The following LTBP2 variants were observed in gnomAD, a reference collection of about 807,000 sequenced individuals.
LTBP2 encodes the protein latent-transforming growth factor beta-binding protein 2.
Under a neutral mutation model 210.6 loss-of-function variants are expected in LTBP2, and 103 were observed. That is an observed-to-expected ratio of 0.49 (90% CI 0.42 to 0.58). The LOEUF (loss-of-function observed/expected upper bound fraction) is 0.58, where lower values mean the gene tolerates loss of function less well. Ranked by LOEUF, LTBP2 falls within the 20% of genes least tolerant of loss-of-function variation. The probability of loss-of-function intolerance (pLI) is 0.00; values close to 1 mark genes in which losing one functional copy is unlikely to be tolerated. For missense variants in LTBP2, 2,313 were observed against 2,494.5 expected, an observed-to-expected ratio of 0.93 and a Z score of 1.55; for synonymous variants, 1,007 against 1,015.0, an observed-to-expected ratio of 0.99 and a Z score of 0.15.
chr14:74,520,436 G>T (rs540967344), intron 17 of LTBP2, among the ~76,000 whole-genome samples: 1 of 152,290 alleles, frequency 6.6e-6, no homozygotes, highest in Admixed American at 6.5e-5. Flanking sequence ...CCATAACATG[G>T]AGTTGGGATG....
At chr14:74,551,957 G>A (rs2087663210) in intron 6 of LTBP2, among the ~76,000 whole-genome samples, 1 of 152,280 alleles carries the variant, frequency 6.6e-6, no homozygotes, top group East Asian at 1.9e-4. Flanking sequence ...TCTTCCCCAG[G>A]GTTCCCAGCA....
Position 74,540,773 on chromosome 14 carries a change from T to A in LTBP2, c.1790-4773A>T, listed in dbSNP as rs544618469. 4.6e-3 allele frequency among the ~76,000 whole-genome samples: 375 copies of A among 81,746 alleles called. 11 individuals carry two copies. The highest frequency in any genetic ancestry group is 0.014 in the African/African-American group (356 of 24,558). 53.6% of individuals were successfully genotyped at this position (81,746 alleles called of 152,430 possible). On this transcript the variant is annotated intron_variant, in intron 8 of 35. Transcript: ENST00000261978. The stretch of plus-strand genomic sequence containing the variant: ...GAGCGAGACTCCATCTTAAAAAATA[T>A]ATATATATATTATATATATATTTAT...
At chr14:74,508,484 G>T in intron 24 of LTBP2, 120 bp downstream of exon 24, 1 of 1,511,332 alleles carries the variant, frequency 6.6e-7, no homozygotes, top group Non-Finnish European at 8.9e-7. Context: ...CTCAGTACTG[G>T]TATTAAAAGG....
chr14:74,502,592 G>A, intron 34 of LTBP2, 61 bp downstream of exon 34: 1 of 1,606,982 alleles, frequency 6.2e-7, no homozygotes, highest in Non-Finnish European at 8.5e-7. Context: ...AGCAGGTGGA[G>A]GAGATGGAAG....
intron 12 of LTBP2, 63 bp from the exon 13 acceptor site, chr14:74,527,429 C>A (rs755020215): frequency 5.7e-5 from 89 of 1,572,252 alleles, no homozygotes; most frequent in Non-Finnish European, 7.3e-5. Context: ...CTCCCCTCAC[C>A]GCCACCTGGG....
At chr14:74,584,092 T>C (rs1205790512) in intron 3 of LTBP2, among the ~76,000 whole-genome samples, 1 of 152,086 alleles carries the variant, frequency 6.6e-6, no homozygotes, top group Non-Finnish European at 1.5e-5. Flanking sequence ...GGCCAGGCAC[T>C]ATGCAGGGGG....
chr14:74,585,267 C>T (rs911729255), intron 3 of LTBP2, among the ~76,000 whole-genome samples: 1 of 152,146 alleles, frequency 6.6e-6, no homozygotes, highest in African/African-American at 2.4e-5. Flanking sequence ...GCCGAGGAAA[C>T]CGAAGGGTCT....
At position 74,516,933 on chromosome 14, in the gene LTBP2, C is replaced by T. The variant is rs2087144409; in HGVS notation, c.2797G>A (p.Glu933Lys). 1.3e-6 allele frequency: 2 copies of T among 1,551,534 alleles called. No homozygotes were observed. Among genetic ancestry groups the T allele is most frequent in the Non-Finnish European group, 1.7e-6 (2 of 1,147,114 alleles). ...CTGCACACCCCTGGCTGCTCACACTCATTGATATCTGTGAACACACAGAAA... is the reference window on the plus strand; with the variant it reads ...CTGCACACCCCTGGCTGCTCACACTTATTGATATCTGTGAACACACAGAAA... Reference protein sequence around the residue: ...GATQECQDINECEQPGVCSGG... With the variant: ...GATQECQDINKCEQPGVCSGG... The change falls in exon 18 of 36, where the codon GAG (glutamate) becomes AAG (lysine). Residue 933 changes from glutamate (E) to lysine (K), a missense_variant. Glu to Lys is a moderately conservative substitution (Grantham distance 56). Around this residue, in one of 3 missense-constraint regions of LTBP2, gnomAD observed 1,867 missense variants for 1,976.9 expected, o/e 0.94. Coordinates refer to ENST00000261978, the MANE Select transcript of LTBP2 (RefSeq NM_000428.3).
chr14:74,587,958 G>A (rs999634603), intron 2 of LTBP2, among the ~76,000 whole-genome samples: 7 of 152,152 alleles, frequency 4.6e-5, no homozygotes, highest in Admixed American at 6.5e-5. Context: ...TGCTCCAGCC[G>A]AGCTGGCCTG....
chr14:74,541,913 C>T (rs987113015), intron 8 of LTBP2, among the ~76,000 whole-genome samples: 5 of 152,124 alleles, frequency 3.3e-5, no homozygotes, highest in South Asian at 2.1e-4. Flanking sequence ...GGCTCCTCAG[C>T]CAGATCAAGG....
chr14:74,559,894 G>A (rs1008007), intron 3 of LTBP2: 55,599 of 152,000 alleles, frequency 0.37, 12,383 homozygotes, highest in Non-Finnish European at 0.51. Context: ...TCAATGAGAA[G>A]GTGACCACAG....
chr14:74,581,825 T>C (rs1595290779), intron 3 of LTBP2, among the ~76,000 whole-genome samples: 2 of 151,670 alleles, frequency 1.3e-5, no homozygotes, highest in African/African-American at 4.9e-5. Flanking sequence ...ACGAATACAG[T>C]GGATAAAGAG....
Position 74,511,341 on chromosome 14 carries a change from C to T in LTBP2, c.2932G>A (p.Gly978Ser), listed in dbSNP as rs551385415. 164 of 1,614,108 alleles carry T rather than the reference C, an allele frequency of 1.0e-4. 3 individuals carry two copies. In the South Asian group the frequency reaches 1.6e-3, roughly 16 times the overall value. ...ACGCATCTCCCATCAGGGCAGGTAC[C>T]GGGGTGACGGCATTCGTTGATATCT... ...CQDINECRHP[G>S]TCPDGRCVNS... The change falls in exon 19 of 36, where the codon GGT becomes AGT. Residue 978 changes from glycine to serine, a missense_variant. By Grantham distance (56) the Gly-to-Ser change is moderately conservative (BLOSUM62 0). Transcript: ENST00000261978.
chr14:74,508,238 G>T, intron 24 of LTBP2, 143 bp from the exon 25 acceptor site: 1 of 1,061,508 alleles, frequency 9.4e-7, no homozygotes, highest in Non-Finnish European at 1.4e-6. Flanking sequence ...CCAGAGGCCA[G>T]GCTGTGGGAG....
intron 2 of LTBP2, 95 bp downstream of exon 2, chr14:74,603,540 G>T: frequency 8.0e-7 from 1 of 1,248,092 alleles, no homozygotes; most frequent in Non-Finnish European, 1.2e-6. Flanking sequence ...TCCAGGTTCT[G>T]GAGTACCTAA....
At chr14:74,576,525 T>C (rs2088060156) in intron 3 of LTBP2, among the ~76,000 whole-genome samples, 1 of 152,054 alleles carries the variant, frequency 6.6e-6, no homozygotes, top group Admixed American at 6.5e-5. Flanking sequence ...GAAAGGACTC[T>C]CAAGTTGAGG....
At chr14:74,574,409 A>G (rs890879470) in intron 3 of LTBP2, among the ~76,000 whole-genome samples, 2 of 152,172 alleles carry the variant, frequency 1.3e-5, no homozygotes, top group Admixed American at 6.5e-5. Flanking sequence ...TATGCCATTT[A>G]TACTCCACTA....
At position 74,506,810 on chromosome 14, in the gene LTBP2, G is replaced by A. The variant is rs113219139; in HGVS notation, c.3921C>T (p.Cys1307=). 853 of 1,613,978 alleles carry A rather than the reference G, an allele frequency of 5.3e-4. No homozygotes were observed. The highest frequency in any genetic ancestry group is 6.4e-4 in the Non-Finnish European group (755 of 1,180,004). ...PNGDCIDIDE[C]ANDTMCGSHG... ...GGCTGCCACACATGGTGTCGTTGGCGCACTCGTCTATGTCTGTGGGACAGT... is the reference window on the plus strand; with the variant it reads ...GGCTGCCACACATGGTGTCGTTGGCACACTCGTCTATGTCTGTGGGACAGT... The change falls in exon 27 of 36, where the codon TGC becomes TGT. Residue 1307 remains cysteine (C), a synonymous_variant. Coordinates refer to ENST00000261978, the MANE Select transcript of LTBP2 (RefSeq NM_000428.3).
At chr14:74,505,455 C>T (rs1044413773) in intron 28 of LTBP2, among the ~76,000 whole-genome samples, 8 of 152,154 alleles carry the variant, frequency 5.3e-5, no homozygotes, top group Non-Finnish European at 8.8e-5. Context: ...TCCTCCCCTG[C>T]GCTTTGCGGT....
Sources: allele counts gnomAD v4.1 joint callset (sites outside exome capture counted in the v4.1 genomes callset), GRCh38; gene constraint gnomAD v4.1.1; regional missense constraint gnomAD v4.1.1; transcripts MANE v1.5; gene names NCBI Gene and HGNC (gene_info 2026-07-23, HGNC 2026-07-21).